TNNI3K: variants seen among roughly 807,000 people sequenced by gnomAD.
TNNI3K encodes the protein TNNI3 interacting kinase.
A neutral mutation model predicts 114.5 loss-of-function variants in TNNI3K; 140 were observed. That is an observed-to-expected ratio of 1.22 (90% CI 1.07 to 1.41). TNNI3K has a LOEUF of 1.41. Among genes scored for constraint, TNNI3K ranks in the 40% most tolerant of loss-of-function variants. The pLI, the probability that TNNI3K is intolerant of heterozygous loss-of-function variation, is 0.00. For missense variants in TNNI3K, 1,125 were observed against 1,007.6 expected, an observed-to-expected ratio of 1.12 and a Z score of -1.58; for synonymous variants, 347 against 347.5, an observed-to-expected ratio of 1.00 and a Z score of 0.02.
intron 11 of TNNI3K, among the ~76,000 whole-genome samples, chr1:74,354,363 G>A (rs974835360): frequency 6.6e-6 from 1 of 152,116 alleles, no homozygotes; most frequent in Non-Finnish European, 1.5e-5. Flanking sequence ...ACTTTGAAAA[G>A]GGAATTGTCA....
At position 74,378,627 on chromosome 1, in the gene TNNI3K, T is replaced by A. The variant is rs1027898699; in HGVS notation, c.1772+8235T>A. 18 of 83,630 alleles carry A rather than the reference T, an allele frequency of 2.2e-4. 1 individual carries two copies. The highest frequency in any genetic ancestry group is 9.2e-4 in the African/African-American group (18 of 19,462). The allele number at this position is 83,630 out of a possible 1,614,324, so 5.2% of individuals were successfully genotyped here. A position where few individuals can be genotyped will look rare whatever the true frequency, so the allele number is the denominator to read the frequency against. On this transcript the variant is annotated intron_variant, in intron 17 of 24. Coordinates refer to ENST00000326637, the MANE Select transcript of TNNI3K (RefSeq NM_015978.3). ...ATATATATATATATATATATATATA[T>A]ATATATATATATATTTCATTTCATC...
chr1:74,540,100 C>T (rs902133362), intron 23 of TNNI3K, 134 bp from the exon 24 acceptor site: 22 of 849,834 alleles, frequency 2.6e-5, no homozygotes, highest in Middle Eastern at 3.5e-4. Flanking sequence ...CAACTAGTTA[C>T]TGTTAAGATA....
In TNNI3K at chr1:74,386,811, A is replaced by C. The variant is rs2100559498; in HGVS notation, c.1772+16419A>C. Reference sequence around the variant, plus strand: ...AAGTTAAAACTTCAAAATAAACATGATGAAGGTATTTGTGATAAATTAAAT... The same window carrying C: ...AAGTTAAAACTTCAAAATAAACATGCTGAAGGTATTTGTGATAAATTAAAT... On this transcript the variant is annotated intron_variant, in intron 17 of 24. Coordinates refer to ENST00000326637, the MANE Select transcript of TNNI3K (RefSeq NM_015978.3). 3.3e-5 allele frequency among the ~76,000 whole-genome samples: 5 copies of C among 152,320 alleles called. No homozygotes were observed. In the Middle Eastern group the frequency reaches 0.017, roughly 518 times the overall value.
intron 5 of TNNI3K, among the ~76,000 whole-genome samples, chr1:74,296,695 G>A (rs890972143): frequency 1.3e-5 from 2 of 152,002 alleles, no homozygotes; most frequent in African/African-American, 4.8e-5. Context: ...ATTTTTAGTG[G>A]TTACTGAATT....
At chr1:74,283,574 T>C (rs1657143155) in intron 5 of TNNI3K, among the ~76,000 whole-genome samples, 1 of 152,186 alleles carries the variant, frequency 6.6e-6, no homozygotes, top group Non-Finnish European at 1.5e-5. Flanking sequence ...GTAAATGAGA[T>C]GTTCATCAGC....
At chr1:74,357,773 C>T (rs1349564368) in intron 11 of TNNI3K, among the ~76,000 whole-genome samples, 17 of 152,102 alleles carry the variant, frequency 1.1e-4, no homozygotes. Context: ...CTCCCCTCCC[C>T]ATCTCTCCCC....
intron 17 of TNNI3K, among the ~76,000 whole-genome samples, chr1:74,422,598 C>T (rs1180570068): frequency 6.6e-6 from 1 of 152,086 alleles, no homozygotes; most frequent in Non-Finnish European, 1.5e-5. Context: ...ACTTCAAGTG[C>T]CTGAGTTTAG....
chr1:74,518,011 C>A (rs1011843453), intron 23 of TNNI3K, among the ~76,000 whole-genome samples: 4 of 152,116 alleles, frequency 2.6e-5, no homozygotes, highest in Non-Finnish European at 2.9e-5. Flanking sequence ...GGAAGTCATT[C>A]AAAGTTTTTG....
chr1:74,307,600 T>G (rs1466198022), intron 5 of TNNI3K, among the ~76,000 whole-genome samples: 2 of 152,178 alleles, frequency 1.3e-5, no homozygotes, highest in Non-Finnish European at 2.9e-5. Context: ...ATCCTAAATA[T>G]ATATTCACCT....
intron 17 of TNNI3K, 138 bp from the exon 18 acceptor site, chr1:74,435,942 T>G: frequency 9.2e-7 from 1 of 1,092,336 alleles, no homozygotes; most frequent in Non-Finnish European, 1.3e-6. Flanking sequence ...TAAAAAATTT[T>G]GATTTAGCCC....
chr1:74,330,890 C>T (rs1170762618), intron 5 of TNNI3K, among the ~76,000 whole-genome samples: 1 of 152,074 alleles, frequency 6.6e-6, no homozygotes, highest in Non-Finnish European at 1.5e-5. Context: ...CTGACATACA[C>T]TTTGTCCTTA....
At chr1:74,347,389 C>A (rs1197892153) in intron 9 of TNNI3K, among the ~76,000 whole-genome samples, 1 of 151,998 alleles carries the variant, frequency 6.6e-6, no homozygotes, top group East Asian at 1.9e-4. Flanking sequence ...TTTTCTTAAT[C>A]TAGTCTATCA....
intron 4 of TNNI3K, among the ~76,000 whole-genome samples, chr1:74,254,206 C>T (rs1054502559): frequency 6.6e-6 from 1 of 151,902 alleles, no homozygotes; most frequent in Non-Finnish European, 1.5e-5. Context: ...TAAAACATGC[C>T]CTGTTGCCAC....
intron 20 of TNNI3K, among the ~76,000 whole-genome samples, chr1:74,448,513 G>T (rs1343285562): frequency 2.1e-5 from 3 of 146,038 alleles, no homozygotes; most frequent in Non-Finnish European, 4.5e-5. Context: ...AATAGGAGTG[G>T]TGAGAGAGGG....
intron 17 of TNNI3K, chr1:74,375,317 G>T (rs1662851073): frequency 5.1e-6 from 1 of 195,548 alleles, no homozygotes; most frequent in Non-Finnish European, 1.1e-5. Flanking sequence ...TTCATTCATG[G>T]ACATAGGCCA....
At chr1:74,437,577 G>A (rs886931189) in intron 19 of TNNI3K, among the ~76,000 whole-genome samples, 2 of 151,906 alleles carry the variant, frequency 1.3e-5, no homozygotes, top group Admixed American at 6.6e-5. Context: ...GGGGGCAATA[G>A]TAAGTGCAGA....
chr1:74,496,371 T>A (rs1292376975), intron 23 of TNNI3K, among the ~76,000 whole-genome samples: 1 of 152,190 alleles, frequency 6.6e-6, no homozygotes, highest in East Asian at 1.9e-4. Context: ...GATTTCCTAA[T>A]TAATTCAAGT....
chr1:74,422,265 C>T (rs1665435608), intron 17 of TNNI3K, among the ~76,000 whole-genome samples: 1 of 151,614 alleles, frequency 6.6e-6, no homozygotes, highest in African/African-American at 2.4e-5. Flanking sequence ...TGAGGAATAT[C>T]TCATTTGATT....
intron 5 of TNNI3K, among the ~76,000 whole-genome samples, chr1:74,313,568 G>A (rs1316974104): frequency 3.9e-5 from 6 of 152,082 alleles, no homozygotes; most frequent in Non-Finnish European, 7.4e-5. Context: ...TTGTCCAGAG[G>A]ACAATCATCT....
Sources: allele counts gnomAD v4.1 joint callset (sites outside exome capture counted in the v4.1 genomes callset), GRCh38; gene constraint gnomAD v4.1.1; transcripts MANE v1.5; gene names NCBI Gene and HGNC (gene_info 2026-07-23, HGNC 2026-07-21).